CPED1: variants seen among roughly 807,000 people sequenced by gnomAD.
The protein encoded by CPED1 is cadherin-like and PC-esterase domain-containing protein 1.
In CPED1, 114 loss-of-function variants were observed where a neutral mutation model predicts 128.2. The ratio of observed to expected loss-of-function variants is 0.89; its 90% CI spans 0.76 to 1.04. The LOEUF is 1.04. Among genes scored for constraint, CPED1 ranks in the 50% least tolerant of loss-of-function variants. CPED1 has a pLI of 0.00. For missense variants in CPED1, 1,211 were observed against 1,207.1 expected (o/e 1.00, Z -0.05); for synonymous variants, 462 against 426.7 (o/e 1.08, Z -1.02).
Position 121,098,743 on chromosome 7 carries a change from TAAAAATATATAAAA to T in CPED1, c.749+914_749+927del, listed in dbSNP as rs1157314861. ...AGACCTTGTCTCAAATATATATATA[TAAAAATATATAAAA>T]ATATATATAAATATATATATATAAA... On this transcript the variant is annotated intron_variant, in intron 6 of 22. Coordinates refer to ENST00000310396, the MANE Select transcript of CPED1 (RefSeq NM_024913.5). 1.1e-3 allele frequency among the ~76,000 whole-genome samples: 138 copies of T among 125,244 alleles called. 4 individuals are homozygous for T. The highest frequency in any genetic ancestry group is 8.8e-3 in the East Asian group (43 of 4,860). The allele number at this position is 125,244 out of a possible 152,430, so 82.2% of individuals were successfully genotyped here.
intron 4 of CPED1, among the ~76,000 whole-genome samples, chr7:121,056,922 A>C (rs1486286620): frequency 2.0e-5 from 3 of 152,196 alleles, no homozygotes; most frequent in Non-Finnish European, 4.4e-5. Context: ...TGATAAAAAC[A>C]TTTCAAGTCC....
At chr7:121,001,377 C>A (rs1363492374) in intron 2 of CPED1, among the ~76,000 whole-genome samples, 1 of 152,104 alleles carries the variant, frequency 6.6e-6, no homozygotes, top group Non-Finnish European at 1.5e-5. Flanking sequence ...TACATCACAG[C>A]TGATCTTGAC....
At chr7:121,187,245 C>T (rs140499286) in intron 16 of CPED1, among the ~76,000 whole-genome samples, 24 of 152,206 alleles carry the variant, frequency 1.6e-4, no homozygotes, top group African/African-American at 4.3e-4. Context: ...CCCAGTAGGT[C>T]GGTAGGATTG....
chr7:121,048,528 C>A (rs947331912), intron 4 of CPED1, among the ~76,000 whole-genome samples: 6 of 150,370 alleles, frequency 4.0e-5, no homozygotes, highest in African/African-American at 1.5e-4. Flanking sequence ...GTTTTTTTTT[C>A]TTCTGTTCTT....
At chr7:121,172,004 C>G (rs139667142) in intron 16 of CPED1, among the ~76,000 whole-genome samples, 1 of 152,090 alleles carries the variant, frequency 6.6e-6, no homozygotes, top group Non-Finnish European at 1.5e-5. Flanking sequence ...AATAGGAAGG[C>G]GCTGAGGTGG....
chr7:121,020,497 T>C (rs1792412374), intron 3 of CPED1, among the ~76,000 whole-genome samples: 1 of 152,006 alleles, frequency 6.6e-6, no homozygotes. Flanking sequence ...GAAAAAAGTT[T>C]CCTGGCTCCT....
intron 16 of CPED1, among the ~76,000 whole-genome samples, chr7:121,211,848 A>T (rs1797652124): frequency 2.0e-5 from 3 of 152,096 alleles, no homozygotes. Flanking sequence ...CAACTGCTTA[A>T]TAGTAATGAT....
At chr7:121,129,986 A>T in intron 11 of CPED1, 139 bp from the exon 12 acceptor site, 1 of 662,400 alleles carries the variant, frequency 1.5e-6, no homozygotes, top group East Asian at 3.3e-5. Context: ...CTTTGCAGAA[A>T]ACTAATTTAT....
chr7:121,227,470 T>C (rs1475169643), intron 16 of CPED1, among the ~76,000 whole-genome samples: 1 of 152,010 alleles, frequency 6.6e-6, no homozygotes, highest in Admixed American at 6.6e-5. Flanking sequence ...GCAATGCAAG[T>C]CCATTTTAAG....
chr7:121,117,029 A>G (rs1270243284), intron 7 of CPED1, among the ~76,000 whole-genome samples: 1 of 145,754 alleles, frequency 6.9e-6, no homozygotes, highest in East Asian at 2.0e-4. Flanking sequence ...CACACATTAT[A>G]TGTATATACA....
At chr7:121,181,154 G>T (rs35411566) in intron 16 of CPED1, among the ~76,000 whole-genome samples, 14,633 of 152,012 alleles carry the variant, frequency 0.096, 857 homozygotes, top group South Asian at 0.17. Flanking sequence ...TGATCATACT[G>T]CAGGAGAAAC....
chr7:121,292,404 TAGC>T (rs1487871172), intron 22 of CPED1, among the ~76,000 whole-genome samples: 4 of 152,138 alleles, frequency 2.6e-5, no homozygotes, highest in African/African-American at 9.6e-5. Flanking sequence ...TTATTTTAGT[TAGC>T]AGTTCCTGTA....
At chr7:121,244,461 C>T in intron 18 of CPED1, 123 bp downstream of exon 18, 2 of 956,958 alleles carry the variant, frequency 2.1e-6, no homozygotes, top group Non-Finnish European at 3.2e-6. Flanking sequence ...TAACTGAATG[C>T]AATATGGCTT....
chr7:121,130,257 T>C lies in CPED1; in HGVS notation c.1540T>C (p.Phe514Leu), dbSNP rs781499428. The change falls in exon 12 of 23, where the codon TTC (phenylalanine) becomes CTC (leucine). Residue 514 changes from phenylalanine (F) to leucine (L), a missense_variant. Phe to Leu is a conservative substitution (Grantham distance 22). Transcript: ENST00000310396. ...SLLNVFEQFQ[F>L]MNKKTQPHPL... ...TTTAAATGTATTTGAACAATTTCAG[T>C]TCATGAATAAAAAGACACAGCCACA... The C allele has an allele frequency of 1.3e-4, 202 of 1,608,370 alleles. No individual in the cohort carries two copies. The highest frequency in any genetic ancestry group is 1.7e-4 in the Non-Finnish European group (198 of 1,177,878).
At chr7:121,257,915 C>G (rs1383640333) in intron 18 of CPED1, among the ~76,000 whole-genome samples, 1 of 152,000 alleles carries the variant, frequency 6.6e-6, no homozygotes, top group Non-Finnish European at 1.5e-5. Context: ...TTTTTTACCT[C>G]TCTTCCTACC....
intron 4 of CPED1, among the ~76,000 whole-genome samples, chr7:121,054,264 C>A (rs1411960770): frequency 6.6e-6 from 1 of 152,152 alleles, no homozygotes; most frequent in African/African-American, 2.4e-5. Flanking sequence ...CTGATTCTTA[C>A]CATACCCGTG....
At chr7:121,184,697 G>A (rs911930358) in intron 16 of CPED1, among the ~76,000 whole-genome samples, 1 of 152,044 alleles carries the variant, frequency 6.6e-6, no homozygotes, top group African/African-American at 2.4e-5. Flanking sequence ...AAGAACTGGA[G>A]GTGAGTGAAC....
intron 4 of CPED1, among the ~76,000 whole-genome samples, chr7:121,054,093 C>A (rs973468515): frequency 5.3e-5 from 8 of 152,170 alleles, no homozygotes; most frequent in African/African-American, 1.9e-4. Flanking sequence ...TATTTAAAAA[C>A]AAAGATCTGG....
chr7:121,089,817 C>T (rs1209356701), intron 5 of CPED1, among the ~76,000 whole-genome samples: 2 of 152,126 alleles, frequency 1.3e-5, no homozygotes, highest in African/African-American at 4.8e-5. Flanking sequence ...TTAATTTATA[C>T]TAAATTATCC....
Sources: gnomAD v4.1 joint callset for allele counts (sites outside exome capture counted in the v4.1 genomes callset) on GRCh38, gnomAD v4.1.1 for gene constraint, MANE v1.5 for transcripts, NCBI Gene and HGNC (gene_info 2026-07-23, HGNC 2026-07-21) for gene names.